Variants in NAV2 observed in about 807,000 individuals in gnomAD.
NAV2 encodes neuron navigator 2.
NAV2 carries 54 observed loss-of-function variants against 223.2 expected under a neutral mutation model. The ratio of observed to expected loss-of-function variants is 0.24; its 90% CI spans 0.19 to 0.30. The LOEUF (loss-of-function observed/expected upper bound fraction) is 0.30, where lower values mean the gene tolerates loss of function less well. NAV2 is among the 10% of genes least tolerant of loss of function. NAV2 has a pLI of 1.00. For synonymous variants in NAV2, 1,279 were observed against 1,239.3 expected (o/e 1.03, Z -0.67); for missense variants, 2,806 against 3,147.5 (o/e 0.89, Z 2.60).
At chr11:19,556,258 G>A (rs1459191517) in intron 1 of NAV2, among the ~76,000 whole-genome samples, 1 of 152,184 alleles carries the variant, frequency 6.6e-6, no homozygotes, top group Non-Finnish European at 1.5e-5. Context: ...TAAACCACAG[G>A]GGAATGTGAA....
chr11:19,416,756 C>A (rs1336182151), intron 1 of NAV2, among the ~76,000 whole-genome samples: 3 of 152,064 alleles, frequency 2.0e-5, no homozygotes, highest in African/African-American at 4.8e-5. Context: ...ATATATAGAC[C>A]AATGGAACAG....
chr11:19,488,537 C>T (rs930515661), intron 1 of NAV2, among the ~76,000 whole-genome samples: 2 of 152,152 alleles, frequency 1.3e-5, no homozygotes, highest in African/African-American at 4.8e-5. Context: ...GTTAGCATCT[C>T]ACTTTTGTCC....
intron 1 of NAV2, among the ~76,000 whole-genome samples, chr11:19,541,705 A>G (rs2044348753): frequency 6.6e-6 from 1 of 152,212 alleles, no homozygotes; most frequent in Non-Finnish European, 1.5e-5. Flanking sequence ...GACATGCCAC[A>G]TGCCAAAATG....
chr11:19,522,446 C>T (rs993971478), intron 1 of NAV2, among the ~76,000 whole-genome samples: 2 of 152,182 alleles, frequency 1.3e-5, no homozygotes, highest in African/African-American at 4.8e-5. Context: ...AGGCCCCACA[C>T]CTTCAAGAGG....
chr11:19,988,204 C>T (rs2050971357), intron 11 of NAV2, among the ~76,000 whole-genome samples: 1 of 152,196 alleles, frequency 6.6e-6, no homozygotes, highest in South Asian at 2.1e-4. Context: ...TGTGTTTTAG[C>T]ACACAACGGG....
At chr11:19,831,520 T>A (rs1450749303) in intron 1 of NAV2, among the ~76,000 whole-genome samples, 1 of 152,126 alleles carries the variant, frequency 6.6e-6, no homozygotes, top group African/African-American at 2.4e-5. Context: ...GAGGTGCTGA[T>A]ACCCTAAGGC....
At chr11:19,728,711 C>T (rs758608682) in intron 1 of NAV2, among the ~76,000 whole-genome samples, 12 of 152,156 alleles carry the variant, frequency 7.9e-5, no homozygotes, top group Admixed American at 1.3e-4. Flanking sequence ...GTGAGTACAC[C>T]GTAAATGTTA....
chr11:19,809,236 A>G (rs997413112), intron 1 of NAV2, among the ~76,000 whole-genome samples: 2 of 152,226 alleles, frequency 1.3e-5, no homozygotes, highest in African/African-American at 4.8e-5. Flanking sequence ...TTATATTCAC[A>G]TACCCATGTA....
intron 1 of NAV2, among the ~76,000 whole-genome samples, chr11:19,407,182 G>C (rs1590143460): frequency 6.6e-6 from 1 of 152,224 alleles, no homozygotes; most frequent in Non-Finnish European, 1.5e-5. Flanking sequence ...AAATAGTTTT[G>C]AGCATCTACT....
At chr11:20,094,391 G>A (rs953437902) in intron 29 of NAV2, among the ~76,000 whole-genome samples, 5 of 151,700 alleles carry the variant, frequency 3.3e-5, no homozygotes, top group African/African-American at 7.2e-5. Flanking sequence ...CACCATGCCC[G>A]GCTAATTTTT....
intron 3 of NAV2, among the ~76,000 whole-genome samples, chr11:19,847,141 A>T (rs2060853293): frequency 6.6e-6 from 1 of 152,164 alleles, no homozygotes. Context: ...AAGGAAAAAC[A>T]TTGCTTGGAG....
chr11:19,750,355 T>C (rs1043541650), intron 1 of NAV2, among the ~76,000 whole-genome samples: 4 of 152,236 alleles, frequency 2.6e-5, no homozygotes, highest in Non-Finnish European at 2.9e-5. Context: ...CACATCTTTT[T>C]CTCTCACAAC....
intron 1 of NAV2, among the ~76,000 whole-genome samples, chr11:19,433,164 G>A (rs1364428031): frequency 1.3e-5 from 2 of 152,216 alleles, no homozygotes; most frequent in Admixed American, 1.3e-4. Context: ...AATATGTAGA[G>A]ATGGCACTAT....
chr11:19,662,311 C>T (rs993078498), intron 1 of NAV2, among the ~76,000 whole-genome samples: 2 of 152,160 alleles, frequency 1.3e-5, no homozygotes, highest in Non-Finnish European at 2.9e-5. Context: ...AGCAGAAGGC[C>T]GTTTGCTGTG....
chr11:20,108,811 T>C (rs1481773071), intron 36 of NAV2, among the ~76,000 whole-genome samples: 8 of 152,200 alleles, frequency 5.3e-5, no homozygotes, highest in Admixed American at 5.2e-4. Flanking sequence ...AGCTTACCAT[T>C]AATTTGGAAC....
At chr11:19,610,909 G>C (rs2046621551) in intron 1 of NAV2, among the ~76,000 whole-genome samples, 1 of 152,154 alleles carries the variant, frequency 6.6e-6, no homozygotes, top group African/African-American at 2.4e-5. Context: ...TGTATGCTTA[G>C]CACCTCCTCG....
intron 1 of NAV2, among the ~76,000 whole-genome samples, chr11:19,465,337 C>T (rs535342559): frequency 4.5e-4 from 68 of 152,296 alleles, no homozygotes; most frequent in African/African-American, 1.6e-3. Flanking sequence ...ATTTCCATTC[C>T]AAGATTTTCC....
At chr11:19,485,818 G>T (rs1346019424) in intron 1 of NAV2, among the ~76,000 whole-genome samples, 12 of 152,076 alleles carry the variant, frequency 7.9e-5, no homozygotes, top group Non-Finnish European at 1.5e-5. Context: ...GTGTCCAGGG[G>T]TGGGATACTA....
At chr11:19,563,355 A>G (rs1323414112) in intron 1 of NAV2, among the ~76,000 whole-genome samples, 2 of 152,200 alleles carry the variant, frequency 1.3e-5, no homozygotes, top group Admixed American at 1.3e-4. Context: ...TCGGAACCCC[A>G]TTACACTTAG....
Sources: allele counts gnomAD v4.1 joint callset (sites outside exome capture counted in the v4.1 genomes callset), GRCh38; gene constraint gnomAD v4.1.1; transcripts MANE v1.5; gene names NCBI Gene and HGNC (gene_info 2026-07-23, HGNC 2026-07-21).